The following CTNNA3 variants were observed in gnomAD, a reference collection of about 807,000 sequenced individuals.
CTNNA3 encodes the protein catenin alpha-3.
A neutral mutation model predicts 95.7 loss-of-function variants in CTNNA3; 76 were observed. That is an observed-to-expected ratio of 0.79 (90% CI 0.66 to 0.96). The LOEUF (loss-of-function observed/expected upper bound fraction) is 0.96, where lower values mean the gene tolerates loss of function less well. CTNNA3 is among the 40% of genes least tolerant of loss of function. The probability of loss-of-function intolerance (pLI) is 0.00; values close to 1 mark genes in which losing one functional copy is unlikely to be tolerated. For synonymous variants in CTNNA3, 431 were observed against 374.4 expected (o/e 1.15, Z -1.74); for missense variants, 1,191 against 1,089.8 (o/e 1.09, Z -1.31).
intron 10 of CTNNA3, among the ~76,000 whole-genome samples, chr10:66,587,794 TGCCCCAG>T (rs1843411242): frequency 6.6e-6 from 1 of 152,140 alleles, no homozygotes; most frequent in South Asian, 2.1e-4. Flanking sequence ...AACTAAAAAC[TGCCCCAG>T]GCCATAAGCC....
At chr10:67,139,753 A>AG (rs2132038256) in intron 7 of CTNNA3, among the ~76,000 whole-genome samples, 1 of 152,312 alleles carries the variant, frequency 6.6e-6, no homozygotes, top group Non-Finnish European at 1.5e-5. Context: ...ATAAATCCAT[A>AG]GTTTAGTGAA....
At chr10:67,522,078 G>T in intron 4 of CTNNA3, 117 bp from the exon 5 acceptor site, 2 of 928,168 alleles carry the variant, frequency 2.2e-6, no homozygotes, top group Non-Finnish European at 1.6e-6. Context: ...ATAATACAGT[G>T]ATAACAAATG....
chr10:66,250,807 G>A (rs1034216566), intron 13 of CTNNA3, among the ~76,000 whole-genome samples: 1 of 152,082 alleles, frequency 6.6e-6, no homozygotes, highest in Non-Finnish European at 1.5e-5. Flanking sequence ...GTCTAATAAT[G>A]TCACCGTACT....
chr10:66,021,416 T>A (rs78188655), intron 15 of CTNNA3, among the ~76,000 whole-genome samples: 4,764 of 152,310 alleles, frequency 0.031, 105 homozygotes, highest in East Asian at 0.066. Context: ...GTCGTTATTC[T>A]TTGTTATTTA....
At chr10:66,123,666 C>A (rs939859981) in intron 13 of CTNNA3, among the ~76,000 whole-genome samples, 1 of 152,198 alleles carries the variant, frequency 6.6e-6, no homozygotes, top group Non-Finnish European at 1.5e-5. Context: ...CCTGGACAGC[C>A]AGGCATTTCC....
intron 13 of CTNNA3, among the ~76,000 whole-genome samples, chr10:66,210,954 G>C (rs1263891427): frequency 6.6e-6 from 1 of 152,168 alleles, no homozygotes; most frequent in African/African-American, 2.4e-5. Context: ...TTAAATTGTA[G>C]AAACAACACT....
chr10:66,746,446 A>C (rs1241990731), intron 9 of CTNNA3, among the ~76,000 whole-genome samples: 1 of 152,224 alleles, frequency 6.6e-6, no homozygotes, highest in African/African-American at 2.4e-5. Flanking sequence ...AACTGAGATA[A>C]AGCCTGTAAC....
At chr10:66,695,570 G>C (rs1035612263) in intron 9 of CTNNA3, among the ~76,000 whole-genome samples, 9 of 152,136 alleles carry the variant, frequency 5.9e-5, no homozygotes, top group Non-Finnish European at 1.0e-4. Context: ...AATAGACACA[G>C]CTTCTCCCAG....
chr10:65,948,280 CAAAAA>C (rs56966630), intron 17 of CTNNA3, among the ~76,000 whole-genome samples: 4 of 97,718 alleles, frequency 4.1e-5, no homozygotes, highest in East Asian at 2.7e-4. Flanking sequence ...GACTCCATCT[CAAAAA>C]AAAAAAAAAA....
At chr10:66,191,294 T>G (rs1447409209) in intron 13 of CTNNA3, among the ~76,000 whole-genome samples, 1 of 152,026 alleles carries the variant, frequency 6.6e-6, no homozygotes, top group Non-Finnish European at 1.5e-5. Context: ...AATAAGACAA[T>G]CCTTCTGGAT....
At chr10:66,268,738 G>A (rs10997021) in intron 13 of CTNNA3, among the ~76,000 whole-genome samples, 28,320 of 152,090 alleles carry the variant, frequency 0.19, 2,925 homozygotes, top group Admixed American at 0.27. Context: ...AGTTTATTCA[G>A]GTCCTTTTGA....
intron 13 of CTNNA3, among the ~76,000 whole-genome samples, chr10:66,124,980 A>G (rs767497051): frequency 6.6e-6 from 1 of 152,220 alleles, no homozygotes; most frequent in Non-Finnish European, 1.5e-5. Flanking sequence ...ATTGTCAATT[A>G]GGAAAAAGAA....
rs140185560 is a variant in CTNNA3 at position 66,790,762 on chromosome 10, G to A, written c.1048-15238C>T. Among the ~76,000 whole-genome samples, 506 of 151,904 alleles carry A rather than the reference G, an allele frequency of 3.3e-3. 1 individual carries two copies. Among genetic ancestry groups the A allele is most frequent in the Middle Eastern group, 6.8e-3 (2 of 294 alleles). On this transcript the variant is annotated intron_variant, in intron 7 of 17. Transcript: ENST00000433211. ...GTCATTCCAACCACATATTTTAATC[G>A]TCTTAACAGAATTTGGACCAAAGAA...
rs368998617 is a variant in CTNNA3, at chr10:66,360,424, T to A, written c.1732+18728A>T. 1.8e-4 allele frequency among the ~76,000 whole-genome samples: 28 copies of A among 152,276 alleles called. No individual in the cohort carries two copies. In the South Asian group the frequency reaches 5.6e-3, roughly 30 times the overall value. On this transcript the variant is annotated intron_variant, in intron 12 of 17. Transcript: ENST00000433211. The stretch of plus-strand genomic sequence containing the variant: ...TCTGTGGGAAATAGATGTTGCTCAT[T>A]ACTGAACAAAAACCCAGGATGTATT...
At chr10:67,253,499 C>G (rs1866194467) in intron 5 of CTNNA3, among the ~76,000 whole-genome samples, 1 of 152,128 alleles carries the variant, frequency 6.6e-6, no homozygotes. Context: ...AGGGGTTAAT[C>G]TATAGTTCAA....
Position 66,024,227 on chromosome 10 carries a change from C to T in CTNNA3, c.2160-35430G>A, listed in dbSNP as rs186332029. Among the ~76,000 whole-genome samples the T allele has an allele frequency of 1.3e-3, 200 of 151,838 alleles. 2 individuals carry two copies. Among genetic ancestry groups the T allele is most frequent in the African/African-American group, 4.4e-3 (183 of 41,464 alleles). On this transcript the variant is annotated intron_variant, in intron 15 of 17. Transcript: ENST00000433211. Reference sequence around the variant, plus strand: ...ACGCCAGCCTCTCAAGTAGCTGGGACTACAGGCGACCGCCACCACGCCCAG... The same window carrying T: ...ACGCCAGCCTCTCAAGTAGCTGGGATTACAGGCGACCGCCACCACGCCCAG...
chr10:66,608,775 C>T (rs749945161), intron 10 of CTNNA3, among the ~76,000 whole-genome samples: 1 of 152,020 alleles, frequency 6.6e-6, no homozygotes, highest in Non-Finnish European at 1.5e-5. Context: ...TTACACCATA[C>T]ACAAAAATTA....
At chr10:66,126,951 T>C (rs911809748) in intron 13 of CTNNA3, among the ~76,000 whole-genome samples, 2 of 152,052 alleles carry the variant, frequency 1.3e-5, no homozygotes, top group African/African-American at 2.4e-5. Context: ...ACATAGTGAC[T>C]TCTGTCCAGG....
chr10:66,626,501 G>C (rs1266386069), intron 9 of CTNNA3, among the ~76,000 whole-genome samples: 3 of 152,090 alleles, frequency 2.0e-5, no homozygotes, highest in Non-Finnish European at 4.4e-5. Context: ...TACTTCCAGA[G>C]GCAGATAATT....
Sources: gnomAD v4.1 joint callset for allele counts (sites outside exome capture counted in the v4.1 genomes callset) on GRCh38, gnomAD v4.1.1 for gene constraint, MANE v1.5 for transcripts, NCBI Gene and HGNC (gene_info 2026-07-23, HGNC 2026-07-21) for gene names.